The following DLG2 variants were observed in gnomAD, a reference collection of about 807,000 sequenced individuals.
DLG2 encodes disks large homolog 2.
In DLG2, 45 loss-of-function variants were observed where a neutral mutation model predicts 132.5. That is an observed-to-expected ratio of 0.34 (90% confidence interval 0.27 to 0.44). The LOEUF is 0.44. DLG2 is among the 20% of genes least tolerant of loss of function. DLG2 has a pLI of 1.00. For missense variants in DLG2, 1,045 were observed against 1,196.9 expected (o/e 0.87, Z 1.87); for synonymous variants, 424 against 419.6 (o/e 1.01, Z -0.13).
intron 3 of DLG2, among the ~76,000 whole-genome samples, chr11:85,335,449 T>C (rs547707326): frequency 6.6e-6 from 1 of 152,310 alleles, no homozygotes; most frequent in Admixed American, 6.5e-5. Context: ...GACTTGATCT[T>C]GTCATCATGT....
chr11:84,585,434 G>A (rs902315130), intron 6 of DLG2, among the ~76,000 whole-genome samples: 1 of 152,104 alleles, frequency 6.6e-6, no homozygotes, highest in African/African-American at 2.4e-5. Flanking sequence ...ACTGATGTCT[G>A]TTAGGCCATG....
intron 3 of DLG2, among the ~76,000 whole-genome samples, chr11:85,465,458 C>T (rs2092757427): frequency 1.3e-5 from 2 of 152,046 alleles, no homozygotes; most frequent in Admixed American, 6.6e-5. Context: ...CTCCCCGCTC[C>T]CCCCACCCCA....
At chr11:84,788,098 C>A (rs1173092806) in intron 6 of DLG2, among the ~76,000 whole-genome samples, 5 of 17,066 alleles carry the variant, frequency 2.9e-4, no homozygotes, top group African/African-American at 3.9e-4. Context: ...GTGAATATGT[C>A]TCAAAAAAAA....
At chr11:84,229,414 C>T (rs950276571) in intron 8 of DLG2, among the ~76,000 whole-genome samples, 5 of 152,160 alleles carry the variant, frequency 3.3e-5, no homozygotes, top group African/African-American at 1.2e-4. Context: ...CAGAGGTCAA[C>T]AGGGTCAATA....
intron 3 of DLG2, among the ~76,000 whole-genome samples, chr11:85,510,487 T>C (rs1448884347): frequency 6.6e-6 from 1 of 151,986 alleles, no homozygotes; most frequent in East Asian, 1.9e-4. Flanking sequence ...AAAGGGCTAA[T>C]ATCCAGAATC....
intron 9 of DLG2, among the ~76,000 whole-genome samples, chr11:84,143,631 A>G (rs1596055167): frequency 6.6e-6 from 1 of 152,196 alleles, no homozygotes; most frequent in East Asian, 1.9e-4. Flanking sequence ...ATAAGCTTGT[A>G]AACTCTGAAT....
chr11:85,143,091 C>T lies in DLG2; in HGVS notation c.282+11465G>A, dbSNP rs1008464486. Among the ~76,000 whole-genome samples, 3 of 151,744 alleles carry T rather than the reference C, an allele frequency of 2.0e-5. No individual in the cohort carries two copies. The South Asian group carries it at 6.2e-4, about 31-fold the overall frequency. ...TGAAATGAGTTTGGAAGTGCTCCTT[C>T]CTCCTAGATTTTTTCAAGTAGTTTG... On this transcript the variant is annotated intron_variant, in intron 5 of 27. Transcript: ENST00000376104.
chr11:85,422,633 G>C (rs2090409912), intron 3 of DLG2, among the ~76,000 whole-genome samples: 1 of 151,828 alleles, frequency 6.6e-6, no homozygotes. Flanking sequence ...GGGGATTATA[G>C]ACACGTGCCA....
At chr11:85,078,784 G>A (rs970028806) in intron 6 of DLG2, among the ~76,000 whole-genome samples, 6 of 152,008 alleles carry the variant, frequency 3.9e-5, no homozygotes, top group Non-Finnish European at 5.9e-5. Flanking sequence ...TCATCCACTG[G>A]ATTTGTCAAC....
At chr11:83,542,695 A>C (rs565073760) in intron 19 of DLG2, among the ~76,000 whole-genome samples, 3 of 152,310 alleles carry the variant, frequency 2.0e-5, no homozygotes, top group Non-Finnish European at 4.4e-5. Flanking sequence ...AATCAGAATC[A>C]AAATGATGAA....
At chr11:85,455,578 G>C (rs2092395585) in intron 3 of DLG2, among the ~76,000 whole-genome samples, 2 of 152,144 alleles carry the variant, frequency 1.3e-5, no homozygotes, top group Admixed American at 1.3e-4. Context: ...AGAGTGGTGA[G>C]AGAGGGTGTA....
intron 8 of DLG2, among the ~76,000 whole-genome samples, chr11:84,193,495 T>C (rs2096455462): frequency 6.6e-6 from 1 of 152,208 alleles, no homozygotes; most frequent in Non-Finnish European, 1.5e-5. Context: ...TAATAAATAA[T>C]GGAGAAGTGT....
At chr11:85,296,467 C>CTTTTTTTTTTTTTTTTTTTATTTTTT (rs66526147) in intron 3 of DLG2, among the ~76,000 whole-genome samples, 2 of 121,548 alleles carry the variant, frequency 1.6e-5, no homozygotes, top group Non-Finnish European at 3.4e-5. Flanking sequence ...TTTCGATTTT[C>CTTTTTTTTTTTTTTTTTTTATTTTTT]TTTTTTTTTT....
chr11:85,441,388 T>C (rs2091768987), intron 3 of DLG2, among the ~76,000 whole-genome samples: 1 of 152,104 alleles, frequency 6.6e-6, no homozygotes, highest in African/African-American at 2.4e-5. Context: ...TAGGCCTGAG[T>C]CTTCTCCAGT....
intron 14 of DLG2, among the ~76,000 whole-genome samples, chr11:83,946,071 C>T (rs1262799757): frequency 6.6e-6 from 1 of 150,678 alleles, no homozygotes; most frequent in Non-Finnish European, 1.5e-5. Context: ...CTCACCGCAA[C>T]CTCTGACTCC....
chr11:85,089,425 G>A (rs573313368), intron 6 of DLG2, among the ~76,000 whole-genome samples: 1 of 152,236 alleles, frequency 6.6e-6, no homozygotes, highest in East Asian at 1.9e-4. Flanking sequence ...TATGATAATA[G>A]TCTTCAGATA....
chr11:84,048,818 G>C (rs921474591), intron 11 of DLG2, among the ~76,000 whole-genome samples: 2 of 150,808 alleles, frequency 1.3e-5, no homozygotes, highest in African/African-American at 2.4e-5. Flanking sequence ...TTACAAGATA[G>C]AAAATCCAAC....
At chr11:84,820,796 G>A (rs1201729406) in intron 6 of DLG2, among the ~76,000 whole-genome samples, 1 of 151,320 alleles carries the variant, frequency 6.6e-6, no homozygotes, top group Non-Finnish European at 1.5e-5. Flanking sequence ...ATGATCCTAT[G>A]GGATTTTCAC....
intron 7 of DLG2, among the ~76,000 whole-genome samples, chr11:84,335,600 A>C (rs2098481132): frequency 6.6e-6 from 1 of 152,170 alleles, no homozygotes; most frequent in Admixed American, 6.5e-5. Context: ...TACTACCTAC[A>C]CTGCTAGCAA....
Sources: allele counts gnomAD v4.1 joint callset (sites outside exome capture counted in the v4.1 genomes callset), GRCh38; gene constraint gnomAD v4.1.1; transcripts MANE v1.5; gene names NCBI Gene and HGNC (gene_info 2026-07-23, HGNC 2026-07-21).